The following ANK3 variants were observed in gnomAD, a reference collection of about 807,000 sequenced individuals.
The protein encoded by ANK3 is ankyrin 3, also known as ankyrin-3.
Under a neutral mutation model 370.9 loss-of-function variants are expected in ANK3, and 57 were observed. That is an observed-to-expected ratio of 0.15 (90% CI 0.12 to 0.19). ANK3 has a LOEUF of 0.19. Among genes scored for constraint, ANK3 ranks in the 10% least tolerant of loss-of-function variants. The pLI is 1.00. For synonymous variants in ANK3, 1,929 were observed against 1,946.3 expected, an observed-to-expected ratio of 0.99 and a Z score of 0.23; for missense variants, 4,439 against 5,302.1, an observed-to-expected ratio of 0.84 and a Z score of 5.06.
chr10:60,293,592 C>A (rs975706988), intron 1 of ANK3, among the ~76,000 whole-genome samples: 2 of 146,050 alleles, frequency 1.4e-5, no homozygotes, highest in Admixed American at 6.7e-5. Flanking sequence ...CTTTAATGTT[C>A]TTCCTACCAC....
intron 2 of ANK3, among the ~76,000 whole-genome samples, chr10:60,513,581 GT>G (rs2076143007): frequency 6.6e-6 from 1 of 152,022 alleles, no homozygotes; most frequent in African/African-American, 2.4e-5. Context: ...GAAAAGGTTG[GT>G]AAAATATGAG....
intron 1 of ANK3, among the ~76,000 whole-genome samples, chr10:60,660,077 C>T (rs1211871696): frequency 6.6e-6 from 1 of 151,990 alleles, no homozygotes; most frequent in Admixed American, 6.6e-5. Flanking sequence ...TATATTTTTC[C>T]TTGTGAACTC....
intron 2 of ANK3, among the ~76,000 whole-genome samples, chr10:60,598,656 T>C (rs1275608023): frequency 1.3e-5 from 2 of 152,302 alleles, no homozygotes; most frequent in Admixed American, 6.5e-5. Flanking sequence ...AAAAAGTATT[T>C]TGCATGAAAG....
At position 60,687,533 on chromosome 10, in the gene ANK3, AAAAC is replaced by A. The variant is rs1051154299; in HGVS notation, c.57+45726_57+45729del. ...CACATGCATTAGGCTGGTATAAAAA[AAAAC>A]ACACACACACACACACATGCACAAC... On this transcript the variant is annotated intron_variant, in intron 1 of 43. Coordinates refer to the ANK3 transcript ENST00000373827. 1.6e-4 allele frequency among the ~76,000 whole-genome samples: 11 copies of A among 68,594 alleles called. No homozygotes were observed. The South Asian group carries it at 3.5e-3, about 22-fold the overall frequency. 45.0% of individuals were successfully genotyped at this position (68,594 alleles called of 152,430 possible).
In ANK3 at chr10:60,083,576, A is replaced by G; in HGVS notation, c.4116T>C (p.Asn1372=). Residue 1372 remains asparagine, a synonymous_variant, in exon 33 of 44, where the codon AAT becomes AAC. Transcript: ENST00000280772. ...GKPIYVDCYG[N]LAPLTKGGQQ... ...GTCCTCCTTTGGTAAGTGGGGCCAA[A>G]TTTCCATAACAATCAACATAAATAG... 1 of 1,611,286 alleles carries G rather than the reference A, an allele frequency of 6.2e-7. No individual in the cohort carries two copies. Among genetic ancestry groups the G allele is most frequent in the East Asian group, 2.2e-5 (1 of 44,734 alleles).
At chr10:60,160,121 A>G (rs2095457253) in intron 23 of ANK3, among the ~76,000 whole-genome samples, 1 of 151,734 alleles carries the variant, frequency 6.6e-6, no homozygotes, top group Admixed American at 6.6e-5. Context: ...TCAACAAGAC[A>G]AAAAGTTGGT....
In ANK3 at chr10:60,069,649, C is replaced by T. The variant is rs749747980; in HGVS notation, c.11232G>A (p.Lys3744=). 1 of 1,614,096 alleles carries T rather than the reference C, an allele frequency of 6.2e-7. No individual in the cohort carries two copies. The highest frequency in any genetic ancestry group is 8.5e-7 in the Non-Finnish European group (1 of 1,179,996). The change falls in exon 37 of 44, where the codon AAG becomes AAA. Residue 3744 remains lysine (K), a synonymous_variant. Transcript: ENST00000280772. ...KKEGPGEITD[K]IEAVMTSCQG... The stretch of plus-strand genomic sequence containing the variant: ...GACAACTGGTCATCACCGCTTCTAT[C>T]TTATCTGTTATTTCTCCAGGGCCTT...
chr10:60,082,817 T>C lies in ANK3; in HGVS notation c.4201-80A>G, dbSNP rs2085606977. ...TAACTGTATAAGAGTTAAGCATGGT[T>C]GTTTTATCAAGCCCTATGAGAGGCA... On this transcript the variant is annotated intron_variant, in intron 33 of 43. Coordinates refer to ENST00000280772, the MANE Select transcript of ANK3 (RefSeq NM_020987.5). The C allele has an allele frequency of 2.7e-6, 4 of 1,486,226 alleles. No individual in the cohort carries two copies. In the Admixed American group the frequency reaches 8.7e-5, roughly 32 times the overall value. The allele number at this position is 1,486,226 out of a possible 1,614,324, so 92.1% of individuals were successfully genotyped here.
chr10:60,332,664 A>C (rs763116294), intron 1 of ANK3, among the ~76,000 whole-genome samples: 6 of 152,182 alleles, frequency 3.9e-5, no homozygotes, highest in Admixed American at 3.3e-4. Flanking sequence ...GGAACACAAC[A>C]GATATTTGGG....
chr10:60,070,248 A>C lies in ANK3; in HGVS notation c.10633T>G (p.Trp3545Gly). The C allele has an allele frequency of 6.2e-7, 1 of 1,614,116 alleles. No individual in the cohort carries two copies. Among genetic ancestry groups the C allele is most frequent in the Non-Finnish European group, 8.5e-7 (1 of 1,179,994 alleles). ...VATKGLDFDP[W>G]SNNRGDDEVF... The stretch of plus-strand genomic sequence containing the variant: ...TCATCATCCCCTCGGTTATTAGACC[A>C]AGGGTCAAAATCTAGACCTTTGGTA... Residue 3545 changes from tryptophan to glycine, a missense_variant, in exon 37 of 44, where the codon TGG (tryptophan) becomes GGG (glycine). Coordinates refer to ENST00000280772, the MANE Select transcript of ANK3 (RefSeq NM_020987.5). The surrounding 1 kb of genome is among the most constrained non-coding windows in gnomAD (Gnocchi z 5.7).
At chr10:60,335,342 T>TA (rs539823805) in intron 1 of ANK3, among the ~76,000 whole-genome samples, 1,713 of 148,156 alleles carry the variant, frequency 0.012, 14 homozygotes, top group Middle Eastern at 0.036. Flanking sequence ...TGTGGGACAT[T>TA]AAAAAAAAAA....
chr10:60,042,669 C>T lies in ANK3; in HGVS notation c.*19+3G>A, dbSNP rs369692594. 9.9e-5 allele frequency: 159 copies of T among 1,613,598 alleles called. No homozygotes were observed. The African/African-American group carries it at 2.0e-3, about 20-fold the overall frequency. On this transcript the variant is annotated splice_donor_region_variant and intron_variant, in intron 43 of 43. Coordinates refer to ENST00000280772, the MANE Select transcript of ANK3 (RefSeq NM_020987.5). ...TACTGTTGTTGATATGAACACACCT[C>T]ACCTTGACTGACCGTTCGCTGTTAC...
intron 1 of ANK3, among the ~76,000 whole-genome samples, chr10:60,669,872 G>C (rs764788396): frequency 6.6e-6 from 1 of 152,122 alleles, no homozygotes; most frequent in Non-Finnish European, 1.5e-5. Context: ...ACCCAGGCTG[G>C]AGTGCAGTGG....
chr10:60,342,740 A>T (rs1370668435), intron 1 of ANK3, among the ~76,000 whole-genome samples: 1 of 152,204 alleles, frequency 6.6e-6, no homozygotes, highest in Admixed American at 6.5e-5. Flanking sequence ...AAATGAGGTC[A>T]TCTGGATCTG....
chr10:60,221,329 C>A (rs1362463843), intron 8 of ANK3, among the ~76,000 whole-genome samples: 1 of 152,142 alleles, frequency 6.6e-6, no homozygotes, highest in Non-Finnish European at 1.5e-5. Context: ...ATCCTCCCAC[C>A]TCAGTCTCCC....
At chr10:60,625,607 A>G (rs1031221294) in intron 1 of ANK3, among the ~76,000 whole-genome samples, 2 of 152,180 alleles carry the variant, frequency 1.3e-5, no homozygotes, top group African/African-American at 2.4e-5. Flanking sequence ...ACTCAATTAC[A>G]TCTCTGATTA....
At chr10:60,166,413 G>T (rs544738482) in intron 23 of ANK3, among the ~76,000 whole-genome samples, 178 bp downstream of exon 23, 1 of 152,062 alleles carries the variant, frequency 6.6e-6, no homozygotes, top group African/African-American at 2.4e-5. Flanking sequence ...GATTCAAAGA[G>T]ACTTAAAAAG....
chr10:60,570,055 A>G (rs989797826), intron 2 of ANK3, among the ~76,000 whole-genome samples: 7 of 152,228 alleles, frequency 4.6e-5, no homozygotes, highest in African/African-American at 1.7e-4. Flanking sequence ...AAAATATTGT[A>G]TCCTTTTTCC....
chr10:60,550,536 T>C (rs144402872), intron 2 of ANK3, among the ~76,000 whole-genome samples: 10 of 152,168 alleles, frequency 6.6e-5, no homozygotes, highest in African/African-American at 2.4e-4. Flanking sequence ...ATTTCTTCTT[T>C]TATTTGTATT....
Sources: allele counts gnomAD v4.1 joint callset (sites outside exome capture counted in the v4.1 genomes callset), GRCh38; gene constraint gnomAD v4.1.1; non-coding constraint Gnocchi (gnomAD v3.1); transcripts MANE v1.5; gene names NCBI Gene and HGNC (gene_info 2026-07-23, HGNC 2026-07-21).